PLXNA2: variants seen among roughly 807,000 people sequenced by gnomAD.
PLXNA2 encodes the protein plexin A2.
A neutral mutation model predicts 193.5 loss-of-function variants in PLXNA2; 91 were observed. That is an observed-to-expected ratio of 0.47 (90% confidence interval 0.40 to 0.56). The LOEUF is 0.56. Ranked by LOEUF, PLXNA2 falls within the 20% of genes least tolerant of loss-of-function variation. PLXNA2 has a pLI of 0.00. For synonymous variants in PLXNA2, 997 were observed against 1,027.3 expected (o/e 0.97, Z 0.56); for missense variants, 1,995 against 2,503.2 (o/e 0.80, Z 4.33).
At chr1:208,235,756 A>T (rs1335857012) in intron 1 of PLXNA2, among the ~76,000 whole-genome samples, 1 of 152,172 alleles carries the variant, frequency 6.6e-6, no homozygotes, top group African/African-American at 2.4e-5. Context: ...AACCTCCTGC[A>T]GGATTGTGCT....
At chr1:208,160,606 A>G (rs905626006) in intron 3 of PLXNA2, among the ~76,000 whole-genome samples, 1 of 152,256 alleles carries the variant, frequency 6.6e-6, no homozygotes, top group African/African-American at 2.4e-5. Flanking sequence ...CAATCTGCAG[A>G]CAGATATACC....
intron 1 of PLXNA2, among the ~76,000 whole-genome samples, chr1:208,234,390 C>A (rs1671786545): frequency 6.6e-6 from 1 of 152,206 alleles, no homozygotes; most frequent in Non-Finnish European, 1.5e-5. Flanking sequence ...CTCTTGCTGA[C>A]CCCATTTTCT....
At chr1:208,159,979 G>A (rs940861645) in intron 3 of PLXNA2, among the ~76,000 whole-genome samples, 13 of 152,164 alleles carry the variant, frequency 8.5e-5, no homozygotes, top group Admixed American at 2.0e-4. Context: ...ATGGGGGAGG[G>A]AGCCAGGCCA....
chr1:208,212,770 A>G (rs1402487588), intron 2 of PLXNA2, among the ~76,000 whole-genome samples: 4 of 152,076 alleles, frequency 2.6e-5, no homozygotes, highest in East Asian at 3.9e-4. Context: ...TATCAGCTAC[A>G]CTTTTTACAT....
At chr1:208,161,342 G>C (rs960330429) in intron 3 of PLXNA2, among the ~76,000 whole-genome samples, 1 of 152,160 alleles carries the variant, frequency 6.6e-6, no homozygotes, top group African/African-American at 2.4e-5. Flanking sequence ...GTGAACTGCA[G>C]CAAAGGGCTC....
At chr1:208,160,982 C>G (rs1400653639) in intron 3 of PLXNA2, among the ~76,000 whole-genome samples, 1 of 152,234 alleles carries the variant, frequency 6.6e-6, no homozygotes, top group African/African-American at 2.4e-5. Context: ...CCTTTGTTAT[C>G]AAAATTCTGC....
At chr1:208,113,921 T>A (rs1667564711) in intron 4 of PLXNA2, among the ~76,000 whole-genome samples, 1 of 151,646 alleles carries the variant, frequency 6.6e-6, no homozygotes, top group Non-Finnish European at 1.5e-5. Context: ...AGGTTTGGAG[T>A]GGAAATCATC....
intron 1 of PLXNA2, among the ~76,000 whole-genome samples, chr1:208,219,702 G>A (rs1671259204): frequency 6.6e-6 from 1 of 152,172 alleles, no homozygotes; most frequent in African/African-American, 2.4e-5. Context: ...GGCAGCCACC[G>A]TGGTGCCACA....
Position 208,210,389 on chromosome 1 carries a change from C to G in PLXNA2, c.1262G>C (p.Gly421Ala), listed in dbSNP as rs1373523832. ...CCTGCTGGTGGTGTACAGGGTCAGG[C>G]CCTCCACTGGAGTTGAGCCTCCCAG... ...QPLGGSTPVE[G>A]LTLYTTSRDR... The change falls in exon 3 of 32, where the codon GGC (glycine) becomes GCC (alanine). Residue 421 changes from glycine (G) to alanine (A), a missense_variant. Gly to Ala is a moderately conservative substitution (Grantham distance 60). Around this residue, in one of 3 missense-constraint regions of PLXNA2, gnomAD observed 702 missense variants for 812.9 expected, o/e 0.86. Coordinates refer to ENST00000367033, the MANE Select transcript of PLXNA2 (RefSeq NM_025179.4). 6.2e-7 allele frequency: 1 copy of G among 1,614,034 alleles called. No individual in the cohort carries two copies. Among genetic ancestry groups the G allele is most frequent in the South Asian group, 1.1e-5 (1 of 91,064 alleles).
Position 208,236,236 on chromosome 1 carries a change from T to C in PLXNA2, c.-81+7407A>G, listed in dbSNP as rs1033508856. Among the ~76,000 whole-genome samples, 1 of 152,098 alleles carries C rather than the reference T, an allele frequency of 6.6e-6. No individual in the cohort carries two copies. Among genetic ancestry groups the C allele is most frequent in the African/African-American group, 2.4e-5 (1 of 41,376 alleles). ...CTGTTCTCAGTGAAATTCAAAAAAT[T>C]GGCTCTTCTCCTTCAGGTATTTTTG... On this transcript the variant is annotated intron_variant, in intron 1 of 31. Transcript: ENST00000367033. This position sits in a 1 kb window ranked among gnomAD's most constrained non-coding sequence, Gnocchi z 4.4.
rs186552459 is a variant in PLXNA2, at chr1:208,218,028, A to T, written c.-80-26T>A. On this transcript the variant is annotated intron_variant, in intron 1 of 31. Transcript: ENST00000367033. The stretch of plus-strand genomic sequence containing the variant: ...CTGCAAAACACAAGGCAGAGTGGTC[A>T]GACCAAAAATAATTTCCGGGAGGAG... 2.7e-4 allele frequency: 414 copies of T among 1,537,304 alleles called. 2 individuals are homozygous for T. In the African/African-American group the frequency reaches 4.7e-3, roughly 18 times the overall value.
chr1:208,031,004 C>A, intron 29 of PLXNA2: 1 of 987,848 alleles, frequency 1.0e-6, no homozygotes, highest in Non-Finnish European at 1.2e-6. Context: ...CTGCTGCTTC[C>A]TGAAAGCTAT....
intron 9 of PLXNA2, among the ~76,000 whole-genome samples, chr1:208,088,351 T>G (rs537203094): frequency 5.3e-5 from 8 of 152,294 alleles, no homozygotes; most frequent in Non-Finnish European, 1.2e-4. Flanking sequence ...ACTTCTCCCA[T>G]GTGGAAATGG....
chr1:208,165,424 T>C (rs1669268377), intron 3 of PLXNA2, among the ~76,000 whole-genome samples: 1 of 152,158 alleles, frequency 6.6e-6, no homozygotes, highest in South Asian at 2.1e-4. Flanking sequence ...AACAAGGCTC[T>C]GAGAGTTTAT....
chr1:208,096,618 G>T, intron 7 of PLXNA2, 112 bp downstream of exon 7: 1 of 1,266,132 alleles, frequency 7.9e-7, no homozygotes, highest in Non-Finnish European at 1.1e-6. Context: ...AGTTGTCTAA[G>T]CCAATATTAG....
chr1:208,029,913 T>G, intron 29 of PLXNA2: 1 of 985,474 alleles, frequency 1.0e-6, no homozygotes. Context: ...CTCTTTTGAC[T>G]CCTCTGTGGA....
intron 3 of PLXNA2, among the ~76,000 whole-genome samples, chr1:208,153,638 G>C (rs1781019): frequency 0.32 from 48,196 of 151,914 alleles, 8,052 homozygotes; most frequent in Middle Eastern, 0.39. Context: ...TAAGCGGAAA[G>C]CCTGCTGGCT....
chr1:208,229,977 A>C (rs1380368106), intron 1 of PLXNA2, among the ~76,000 whole-genome samples: 1 of 152,182 alleles, frequency 6.6e-6, no homozygotes, highest in Non-Finnish European at 1.5e-5. Context: ...ATCACTTACG[A>C]GTCTGGTGAC....
intron 3 of PLXNA2, among the ~76,000 whole-genome samples, chr1:208,155,693 C>A (rs577256187): frequency 1.3e-5 from 2 of 152,312 alleles, no homozygotes; most frequent in Admixed American, 6.5e-5. Context: ...TGACTCCTGG[C>A]CCAACACCCG....
Sources: allele counts gnomAD v4.1 joint callset (sites outside exome capture counted in the v4.1 genomes callset), GRCh38; gene constraint gnomAD v4.1.1; regional missense constraint gnomAD v4.1.1; non-coding constraint Gnocchi (gnomAD v3.1); transcripts MANE v1.5; gene names NCBI Gene and HGNC (gene_info 2026-07-23, HGNC 2026-07-21).